Variants in SPATA16 observed in about 807,000 individuals in gnomAD.
SPATA16 encodes spermatogenesis-associated protein 16.
A neutral mutation model predicts 63.3 loss-of-function variants in SPATA16; 36 were observed. The ratio of observed to expected loss-of-function variants is 0.57; its 90% confidence interval spans 0.44 to 0.75. The LOEUF (loss-of-function observed/expected upper bound fraction) is 0.75, where lower values mean the gene tolerates loss of function less well. Ranked by LOEUF, SPATA16 falls within the 30% of genes least tolerant of loss-of-function variation. The probability of loss-of-function intolerance (pLI) is 0.00; values close to 1 mark genes in which losing one functional copy is unlikely to be tolerated. For missense variants in SPATA16, 646 were observed against 679.3 expected (o/e 0.95, Z 0.54); for synonymous variants, 203 against 216.7 (o/e 0.94, Z 0.56).
intron 3 of SPATA16, among the ~76,000 whole-genome samples, chr3:173,038,521 A>G (rs1461947820): frequency 6.6e-6 from 1 of 152,030 alleles, no homozygotes; most frequent in Non-Finnish European, 1.5e-5. Context: ...ATGTTTCCCT[A>G]GAATTTCTCA....
chr3:173,099,289 G>A lies in SPATA16; in HGVS notation c.612+17831C>T, dbSNP rs571492812. The stretch of plus-strand genomic sequence containing the variant: ...GAGAGAGAGAAAGAGAGATGGAGAG[G>A]GAGAGACAGAGACAGACCATATTCA... On this transcript the variant is annotated intron_variant, in intron 2 of 10. Coordinates refer to ENST00000351008, the MANE Select transcript of SPATA16 (RefSeq NM_031955.6). Among the ~76,000 whole-genome samples, 214 of 152,044 alleles carry A rather than the reference G, an allele frequency of 1.4e-3. 1 individual carries two copies. The highest frequency in any genetic ancestry group is 4.9e-3 in the African/African-American group (204 of 41,490).
chr3:173,062,215 A>G (rs1341984363), intron 2 of SPATA16, among the ~76,000 whole-genome samples: 1 of 152,192 alleles, frequency 6.6e-6, no homozygotes, highest in African/African-American at 2.4e-5. Context: ...AGAGACCACT[A>G]AATTCCAGTT....
At chr3:173,024,047 T>C (rs1735396881) in intron 3 of SPATA16, among the ~76,000 whole-genome samples, 1 of 151,558 alleles carries the variant, frequency 6.6e-6, no homozygotes, top group Non-Finnish European at 1.5e-5. Flanking sequence ...GATTCTTAGT[T>C]GATCTGTATG....
intron 3 of SPATA16, among the ~76,000 whole-genome samples, chr3:173,027,577 T>G (rs1735478935): frequency 6.6e-6 from 1 of 151,854 alleles, no homozygotes; most frequent in South Asian, 2.1e-4. Flanking sequence ...CCCATTCCTC[T>G]CTCTCCTTTT....
rs184149038 is a variant in SPATA16 at position 172,981,147 on chromosome 3, C to T, written c.849-4095G>A. 8.5e-5 allele frequency among the ~76,000 whole-genome samples: 13 copies of T among 152,234 alleles called. No homozygotes were observed. The East Asian group carries it at 2.3e-3, about 27-fold the overall frequency. The stretch of plus-strand genomic sequence containing the variant: ...CCACTGTGCCATTATTTCTGGTTTT[C>T]CTCCTATCTTTCTCGTTGCTGTTTT... On this transcript the variant is annotated intron_variant, in intron 4 of 10. Coordinates refer to ENST00000351008, the MANE Select transcript of SPATA16 (RefSeq NM_031955.6).
At chr3:173,127,860 T>C (rs773532777) in intron 1 of SPATA16, among the ~76,000 whole-genome samples, 3 of 152,228 alleles carry the variant, frequency 2.0e-5, no homozygotes, top group Non-Finnish European at 4.4e-5. Flanking sequence ...ATTTCCTGCT[T>C]CCTCATCAAA....
chr3:172,924,118 A>T, intron 8 of SPATA16, 90 bp downstream of exon 8: 1 of 1,081,318 alleles, frequency 9.2e-7, no homozygotes. Flanking sequence ...ATCCCCTAAC[A>T]CTTGCACTAT....
At chr3:172,936,930 C>T (rs1322798758) in intron 6 of SPATA16, among the ~76,000 whole-genome samples, 1 of 152,072 alleles carries the variant, frequency 6.6e-6, no homozygotes, top group Non-Finnish European at 1.5e-5. Flanking sequence ...AGGCTGGACT[C>T]AAACTCCTGA....
At chr3:173,057,854 T>A (rs1736275574) in intron 2 of SPATA16, among the ~76,000 whole-genome samples, 1 of 152,232 alleles carries the variant, frequency 6.6e-6, no homozygotes, top group African/African-American at 2.4e-5. Flanking sequence ...TATTTTTACT[T>A]CGTTTTTCCT....
intron 4 of SPATA16, among the ~76,000 whole-genome samples, chr3:172,991,297 A>G (rs1291220493): frequency 1.3e-5 from 2 of 152,194 alleles, no homozygotes; most frequent in African/African-American, 4.8e-5. Context: ...AGAGAACAAT[A>G]TATCCTTTCT....
chr3:173,041,456 G>A (rs490424), intron 3 of SPATA16, among the ~76,000 whole-genome samples: 41,658 of 152,036 alleles, frequency 0.27, 7,856 homozygotes, highest in African/African-American at 0.54. Context: ...ATGAATGGCA[G>A]TATCATCAGA....
At chr3:173,028,821 A>T (rs1257860377) in intron 3 of SPATA16, among the ~76,000 whole-genome samples, 1 of 152,028 alleles carries the variant, frequency 6.6e-6, no homozygotes, top group African/African-American at 2.4e-5. Context: ...CCTTGAATTC[A>T]TCTATAGTTC....
chr3:173,001,288 AC>A (rs1164226914), intron 4 of SPATA16, among the ~76,000 whole-genome samples: 1 of 75,118 alleles, frequency 1.3e-5, no homozygotes, highest in East Asian at 5.6e-4. Flanking sequence ...TTTTGTTTTC[AC>A]CCTTAGGTGC....
intron 2 of SPATA16, among the ~76,000 whole-genome samples, chr3:173,090,845 A>G (rs1316977094): frequency 6.6e-6 from 1 of 152,220 alleles, no homozygotes; most frequent in Non-Finnish European, 1.5e-5. Context: ...TTTCTGAGCC[A>G]TGAATGGGAC....
intron 6 of SPATA16, among the ~76,000 whole-genome samples, chr3:172,940,218 C>G (rs76850762): frequency 0.054 from 8,152 of 152,140 alleles, 724 homozygotes; most frequent in African/African-American, 0.19. Flanking sequence ...CTGAACATGA[C>G]GAGGGGGTTG....
intron 1 of SPATA16, among the ~76,000 whole-genome samples, chr3:173,130,841 T>C (rs1231272937): frequency 6.6e-6 from 1 of 152,216 alleles, no homozygotes; most frequent in Non-Finnish European, 1.5e-5. Flanking sequence ...CATTTCTTAC[T>C]TGTATAGTGT....
chr3:172,948,416 T>C (rs113143535), intron 6 of SPATA16, among the ~76,000 whole-genome samples: 8,271 of 152,244 alleles, frequency 0.054, 758 homozygotes, highest in African/African-American at 0.19. Flanking sequence ...AAATTAAGAC[T>C]TTCTCAGACA....
intron 10 of SPATA16, among the ~76,000 whole-genome samples, chr3:172,910,714 T>C (rs1732352637): frequency 6.6e-6 from 1 of 152,204 alleles, no homozygotes; most frequent in Non-Finnish European, 1.5e-5. Flanking sequence ...GTCTCTGTCA[T>C]GGGCTTCTCC....
chr3:172,910,472 C>T (rs74450619), intron 10 of SPATA16, among the ~76,000 whole-genome samples: 3,006 of 152,138 alleles, frequency 0.02, 103 homozygotes, highest in African/African-American at 0.07. Flanking sequence ...TACTACTTAA[C>T]TCAGTCAAGT....
Sources: allele counts gnomAD v4.1 joint callset (sites outside exome capture counted in the v4.1 genomes callset), GRCh38; gene constraint gnomAD v4.1.1; transcripts MANE v1.5; gene names NCBI Gene and HGNC (gene_info 2026-07-23, HGNC 2026-07-21).